HDX: variants seen among roughly 807,000 people sequenced by gnomAD.
The protein encoded by HDX is chromosome X open reading frame 43.
Under a neutral mutation model 45.2 loss-of-function variants are expected in HDX, and 19 were observed. The ratio of observed to expected loss-of-function variants is 0.42; its 90% CI spans 0.29 to 0.62. The LOEUF is 0.62. Among genes scored for constraint, HDX ranks in the 20% least tolerant of loss-of-function variants. The pLI, the probability that HDX is intolerant of heterozygous loss-of-function variation, is 0.20. For synonymous variants in HDX, 188 were observed against 172.8 expected (o/e 1.09, Z -0.69); for missense variants, 532 against 493.9 (o/e 1.08, Z -0.73).
chrX:84,366,681 C>T (rs1366990237), intron 5 of HDX, among the ~76,000 whole-genome samples: 2 of 110,902 alleles, frequency 1.8e-5, no homozygotes, highest in East Asian at 2.9e-4. Flanking sequence ...TAACACCACA[C>T]ATCTACAACC....
intron 2 of HDX, among the ~76,000 whole-genome samples, chrX:84,483,454 T>C (rs1048252856): frequency 1.8e-5 from 2 of 112,627 alleles, no homozygotes. Flanking sequence ...TAGGTGGCTT[T>C]GCACCCTCTG....
intron 5 of HDX, among the ~76,000 whole-genome samples, chrX:84,368,245 C>T (rs2037808210): frequency 9.0e-6 from 1 of 111,258 alleles, no homozygotes; most frequent in South Asian, 3.7e-4. Context: ...TCATGGTTTT[C>T]TTTCTTCTTT....
chrX:84,488,581 G>A (rs1398908523), intron 1 of HDX, among the ~76,000 whole-genome samples: 1 of 110,837 alleles, frequency 9.0e-6, no homozygotes, highest in East Asian at 2.8e-4. Context: ...GCATAATTTG[G>A]TATGAAGACA....
At chrX:84,470,725 C>A (rs2040438666) in intron 3 of HDX, among the ~76,000 whole-genome samples, 1 of 111,113 alleles carries the variant, frequency 9.0e-6, no homozygotes, top group Admixed American at 9.6e-5. Context: ...TTATAATTAT[C>A]TTAGTATTAT....
At chrX:84,451,078 A>C (rs2039986638) in intron 4 of HDX, among the ~76,000 whole-genome samples, 1 of 112,036 alleles carries the variant, frequency 8.9e-6, no homozygotes, top group Admixed American at 9.5e-5. Context: ...CCTAGATGAA[A>C]AATTTAGACA....
At chrX:84,452,090 T>G (rs1310144083) in intron 4 of HDX, among the ~76,000 whole-genome samples, 2 of 111,459 alleles carry the variant, frequency 1.8e-5, no homozygotes, top group Non-Finnish European at 3.8e-5. Flanking sequence ...GAAAGTCTTT[T>G]TCTGGGAACT....
At chrX:84,363,782 G>A (rs1475745946) in intron 5 of HDX, among the ~76,000 whole-genome samples, 1 of 112,193 alleles carries the variant, frequency 8.9e-6, no homozygotes, top group Non-Finnish European at 1.9e-5. Context: ...TCCCAGGGAA[G>A]CTTGAAGTTG....
chrX:84,328,242 T>C (rs2036761394), intron 9 of HDX, among the ~76,000 whole-genome samples: 1 of 110,600 alleles, frequency 9.0e-6, no homozygotes, highest in Non-Finnish European at 1.9e-5. Flanking sequence ...TGTGGTGGCA[T>C]GCAGCTATAG....
intron 6 of HDX, among the ~76,000 whole-genome samples, chrX:84,356,470 G>A (rs1305268542): frequency 9.0e-6 from 1 of 110,826 alleles, no homozygotes; most frequent in Non-Finnish European, 1.9e-5. Context: ...CACAGATTAC[G>A]ATCTTTGTGT....
At chrX:84,436,857 A>G (rs758092962) in intron 5 of HDX, among the ~76,000 whole-genome samples, 1 of 108,957 alleles carries the variant, frequency 9.2e-6, no homozygotes, top group Admixed American at 9.9e-5. Context: ...TCCATGGTGC[A>G]GTTTAAATGC....
intron 5 of HDX, among the ~76,000 whole-genome samples, chrX:84,365,705 T>A (rs1317594125): frequency 8.9e-6 from 1 of 112,078 alleles, no homozygotes; most frequent in Non-Finnish European, 1.9e-5. Context: ...GGTCTCCCAG[T>A]TTTCCCTGGA....
intron 6 of HDX, among the ~76,000 whole-genome samples, chrX:84,360,774 A>C (rs1373821977): frequency 8.9e-6 from 1 of 112,100 alleles, no homozygotes; most frequent in African/African-American, 3.2e-5. Context: ...GCTCTATAAT[A>C]GTCCATTATA....
At chrX:84,367,765 A>G (rs1298575869) in intron 5 of HDX, among the ~76,000 whole-genome samples, 2 of 111,758 alleles carry the variant, frequency 1.8e-5, no homozygotes, top group African/African-American at 6.5e-5. Flanking sequence ...AAAACCAAAC[A>G]CCGCATGTTC....
chrX:84,446,939 G>C (rs1261763183), intron 4 of HDX, among the ~76,000 whole-genome samples: 2 of 111,477 alleles, frequency 1.8e-5, no homozygotes, highest in Non-Finnish European at 3.8e-5. Flanking sequence ...AATCTGTCTG[G>C]GGTCTGCCTG....
At chrX:84,459,631 A>G (rs2040194088) in intron 4 of HDX, among the ~76,000 whole-genome samples, 1 of 109,381 alleles carries the variant, frequency 9.1e-6, no homozygotes, top group Non-Finnish European at 1.9e-5. Flanking sequence ...GATGCATTTC[A>G]GAGAACTAGA....
At chrX:84,357,178 A>T (rs1481963102) in intron 6 of HDX, among the ~76,000 whole-genome samples, 1 of 111,972 alleles carries the variant, frequency 8.9e-6, no homozygotes, top group Non-Finnish European at 1.9e-5. Flanking sequence ...GGAAAAACAG[A>T]TTGGAAGTGG....
At chrX:84,327,304 T>C (rs1364531536) in intron 9 of HDX, among the ~76,000 whole-genome samples, 1 of 111,987 alleles carries the variant, frequency 8.9e-6, no homozygotes, top group Non-Finnish European at 1.9e-5. Flanking sequence ...ATGGTTATTA[T>C]ACTGGTAATC....
intron 5 of HDX, among the ~76,000 whole-genome samples, chrX:84,366,263 A>C (rs1049240656): frequency 9.0e-6 from 1 of 111,647 alleles, no homozygotes; most frequent in East Asian, 2.8e-4. Context: ...ATACATAGGA[A>C]TACAACTTAC....
intron 5 of HDX, among the ~76,000 whole-genome samples, chrX:84,410,694 A>C (rs2038962617): frequency 9.0e-6 from 1 of 111,694 alleles, no homozygotes; most frequent in Non-Finnish European, 1.9e-5. Context: ...TTAGTTAGAG[A>C]AAAGTCCCAC....
Sources: allele counts gnomAD v4.1 joint callset (sites outside exome capture counted in the v4.1 genomes callset), GRCh38; gene constraint gnomAD v4.1.1; transcripts MANE v1.5; gene names NCBI Gene and HGNC (gene_info 2026-07-23, HGNC 2026-07-21).